Variants in MDGA2 observed in about 807,000 individuals in gnomAD.
MDGA2 encodes MAM domain containing glycosylphosphatidylinositol anchor 2.
Under a neutral mutation model 117.8 loss-of-function variants are expected in MDGA2, and 40 were observed. The ratio of observed to expected loss-of-function variants is 0.34; its 90% confidence interval spans 0.26 to 0.44. The LOEUF (loss-of-function observed/expected upper bound fraction) is 0.44, where lower values mean the gene tolerates loss of function less well. Among genes scored for constraint, MDGA2 ranks in the 20% least tolerant of loss-of-function variants. The pLI is 1.00. For missense variants in MDGA2, 1,123 were observed against 1,250.6 expected (o/e 0.90, Z 1.54); for synonymous variants, 452 against 439.0 (o/e 1.03, Z -0.37).
chr14:47,063,728 T>G (rs1566601619), intron 6 of MDGA2, among the ~76,000 whole-genome samples: 2 of 151,988 alleles, frequency 1.3e-5, no homozygotes, highest in African/African-American at 4.8e-5. Flanking sequence ...ATTACAATTT[T>G]GAAAGTTTTA....
At chr14:46,860,308 T>C (rs1881457952) in intron 14 of MDGA2, among the ~76,000 whole-genome samples, 1 of 152,008 alleles carries the variant, frequency 6.6e-6, no homozygotes, top group East Asian at 1.9e-4. Context: ...TTTATTATTA[T>C]ATAAAATATT....
intron 1 of MDGA2, among the ~76,000 whole-genome samples, chr14:47,444,892 A>T (rs1893089437): frequency 6.6e-6 from 1 of 152,144 alleles, no homozygotes; most frequent in South Asian, 2.1e-4. Flanking sequence ...TGAAATCTTC[A>T]TATACCATAA....
At chr14:47,475,416 G>A (rs975534589) in intron 1 of MDGA2, among the ~76,000 whole-genome samples, 3 of 152,142 alleles carry the variant, frequency 2.0e-5, no homozygotes, top group Non-Finnish European at 4.4e-5. Flanking sequence ...AGACAGTGTG[G>A]CAATTCCTCA....
intron 1 of MDGA2, among the ~76,000 whole-genome samples, chr14:47,657,221 G>T (rs1897761886): frequency 6.6e-6 from 1 of 152,090 alleles, no homozygotes; most frequent in African/African-American, 2.4e-5. Context: ...TTGGCCCACA[G>T]AATCCACGAA....
At chr14:47,340,876 C>T (rs1433018704) in intron 1 of MDGA2, among the ~76,000 whole-genome samples, 1 of 152,110 alleles carries the variant, frequency 6.6e-6, no homozygotes, top group Non-Finnish European at 1.5e-5. Flanking sequence ...GTTATATATT[C>T]AAACACTCAA....
chr14:47,637,970 T>G (rs1897354029), intron 1 of MDGA2, among the ~76,000 whole-genome samples: 1 of 152,188 alleles, frequency 6.6e-6, no homozygotes, highest in Admixed American at 6.5e-5. Context: ...CTGTCTCCTT[T>G]GCCACCATCA....
At chr14:47,611,977 T>C (rs1443612370) in intron 1 of MDGA2, among the ~76,000 whole-genome samples, 1 of 152,132 alleles carries the variant, frequency 6.6e-6, no homozygotes, top group Admixed American at 6.6e-5. Flanking sequence ...GAGTGGAAAG[T>C]TGTGTTTAGC....
chr14:47,518,293 T>C (rs1566495211), intron 1 of MDGA2, among the ~76,000 whole-genome samples: 1 of 152,168 alleles, frequency 6.6e-6, no homozygotes, highest in Non-Finnish European at 1.5e-5. Context: ...AGAACAAATG[T>C]GCTAAATTTC....
intron 1 of MDGA2, among the ~76,000 whole-genome samples, chr14:47,624,082 G>C (rs547080848): frequency 6.6e-6 from 1 of 152,236 alleles, no homozygotes; most frequent in South Asian, 2.1e-4. Context: ...TATAAGTATT[G>C]TTTTAATTTA....
intron 1 of MDGA2, among the ~76,000 whole-genome samples, chr14:47,482,080 A>G (rs905678556): frequency 6.6e-6 from 1 of 152,018 alleles, no homozygotes; most frequent in Non-Finnish European, 1.5e-5. Context: ...TCCAGTTAGA[A>G]TTTATCATGG....
intron 1 of MDGA2, among the ~76,000 whole-genome samples, chr14:47,622,750 G>A (rs1897072658): frequency 6.6e-6 from 1 of 152,172 alleles, no homozygotes; most frequent in Admixed American, 6.5e-5. Flanking sequence ...CATCAGAATG[G>A]CATGAATCTT....
chr14:47,600,410 G>C (rs1264499430), intron 1 of MDGA2, among the ~76,000 whole-genome samples: 1 of 151,984 alleles, frequency 6.6e-6, no homozygotes, highest in Non-Finnish European at 1.5e-5. Context: ...CTCCAGCTCG[G>C]ATGACAGAGC....
At chr14:46,965,752 T>C (rs1566549690) in intron 8 of MDGA2, among the ~76,000 whole-genome samples, 1 of 152,168 alleles carries the variant, frequency 6.6e-6, no homozygotes, top group Non-Finnish European at 1.5e-5. Flanking sequence ...TCGAATATGA[T>C]GAAAGAAATC....
intron 6 of MDGA2, among the ~76,000 whole-genome samples, chr14:47,073,754 CAG>C (rs1890380806): frequency 6.6e-6 from 1 of 152,154 alleles, no homozygotes; most frequent in Non-Finnish European, 1.5e-5. Flanking sequence ...AAGGTCATTC[CAG>C]AGAGTGGCAG....
At chr14:47,210,422 A>C (rs1885839548) in intron 3 of MDGA2, among the ~76,000 whole-genome samples, 1 of 152,214 alleles carries the variant, frequency 6.6e-6, no homozygotes, top group African/African-American at 2.4e-5. Context: ...CTTTAAAGTC[A>C]TATGGCCTCT....
intron 1 of MDGA2, among the ~76,000 whole-genome samples, chr14:47,666,810 A>T (rs1182850700): frequency 6.6e-6 from 1 of 151,856 alleles, no homozygotes; most frequent in Non-Finnish European, 1.5e-5. Context: ...GAGCTATAAC[A>T]CTCACTGCGA....
chr14:46,914,539 A>G (rs1265318427), intron 10 of MDGA2, among the ~76,000 whole-genome samples: 4 of 152,100 alleles, frequency 2.6e-5, no homozygotes, highest in African/African-American at 7.2e-5. Context: ...ATTTAAGTAC[A>G]GACCATACAG....
intron 1 of MDGA2, among the ~76,000 whole-genome samples, chr14:47,458,757 A>G (rs1263709732): frequency 6.6e-6 from 1 of 152,020 alleles, no homozygotes; most frequent in Non-Finnish European, 1.5e-5. Context: ...TCAAATCATC[A>G]AGGTGCACCC....
At chr14:46,933,885 A>G (rs1884682382) in intron 9 of MDGA2, among the ~76,000 whole-genome samples, 1 of 127,286 alleles carries the variant, frequency 7.9e-6, no homozygotes, top group African/African-American at 2.7e-5. Context: ...AAATTCCTGC[A>G]TTTAACAGAT....
Sources: gnomAD v4.1 joint callset for allele counts (sites outside exome capture counted in the v4.1 genomes callset) on GRCh38, gnomAD v4.1.1 for gene constraint, MANE v1.5 for transcripts, NCBI Gene and HGNC (gene_info 2026-07-23, HGNC 2026-07-21) for gene names.